ADISSP: variants seen among roughly 807,000 people sequenced by gnomAD.
ADISSP encodes the protein adipose-secreted signaling protein.
chr20:3,760,874 G>A, the ADISSP span, among the ~76,000 whole-genome samples: 4 of 152,186 alleles, frequency 2.6e-5, no homozygotes, highest in Non-Finnish European at 5.9e-5. Flanking sequence ...CCAATGGGCC[G>A]AGCTGGGACC....
At chr20:3,755,713 C>T in the ADISSP span, 8 of 947,492 alleles carry the variant, frequency 8.4e-6, no homozygotes, top group East Asian at 7.7e-5. Flanking sequence ...CCTGCTTCCC[C>T]AGAGAGCCCA....
At chr20:3,757,972 C>T in the ADISSP span, among the ~76,000 whole-genome samples, 5 of 151,452 alleles carry the variant, frequency 3.3e-5, no homozygotes, top group Middle Eastern at 3.4e-3. Context: ...ACCTGAAGGC[C>T]TCAGTCTCCA....
At chr20:3,764,026 C>A in the ADISSP span, among the ~76,000 whole-genome samples, 1 of 152,194 alleles carries the variant, frequency 6.6e-6, no homozygotes. Context: ...AGTGGAGCTA[C>A]ACCCATTCAC....
chr20:3,753,803 A>C, the ADISSP span: 1 of 544,172 alleles, frequency 1.8e-6, no homozygotes, highest in Non-Finnish European at 3.3e-6. Flanking sequence ...TTCCTCAGAC[A>C]GCCTCCTTTC....
chr20:3,756,507 T>C, the ADISSP span, among the ~76,000 whole-genome samples: 5 of 152,194 alleles, frequency 3.3e-5, no homozygotes, highest in Non-Finnish European at 7.3e-5. Flanking sequence ...AGAGTCCTGC[T>C]CACAGTTACT....
At chr20:3,755,762 C>A in the ADISSP span, among the ~76,000 whole-genome samples, 1 of 26,484 alleles carries the variant, frequency 3.8e-5, no homozygotes, top group East Asian at 1.1e-3. Context: ...CTGATCGACC[C>A]CCAGCCCAGT....
At chr20:3,754,632 C>G in the ADISSP span, 4 of 1,124,390 alleles carry the variant, frequency 3.6e-6, 1 homozygote, top group South Asian at 2.7e-5. Context: ...CTAAGCCCCC[C>G]CAAGAAAGGG....
the ADISSP span, among the ~76,000 whole-genome samples, chr20:3,761,035 G>A: frequency 0.014 from 2,146 of 152,300 alleles, 51 homozygotes; most frequent in African/African-American, 0.047. Context: ...CACCACTGAC[G>A]GTAGCAGTGC....
At chr20:3,765,123 G>C in the ADISSP span, among the ~76,000 whole-genome samples, 2 of 152,234 alleles carry the variant, frequency 1.3e-5, no homozygotes, top group African/African-American at 4.8e-5. Flanking sequence ...GAACCCAAAG[G>C]AAACTGGGAA....
the ADISSP span, chr20:3,758,637 G>A: frequency 3.7e-6 from 6 of 1,614,022 alleles, no homozygotes; most frequent in Non-Finnish European, 5.1e-6. This position sits in a 1 kb window ranked among gnomAD's most constrained non-coding sequence, Gnocchi z 5.5. Context: ...TCTGCATCGT[G>A]GCCTGCCGCA....
At chr20:3,753,852 A>C in the ADISSP span, 1 of 598,318 alleles carries the variant, frequency 1.7e-6, no homozygotes, top group Non-Finnish European at 3.0e-6. Context: ...ACTGAGGCAC[A>C]CAGAGAGGAG....
chr20:3,764,621 C>A, the ADISSP span, among the ~76,000 whole-genome samples: 1 of 152,222 alleles, frequency 6.6e-6, no homozygotes, highest in African/African-American at 2.4e-5. Flanking sequence ...ATTTGATATC[C>A]CTCTTCCTCA....
At chr20:3,758,863 C>T in the ADISSP span, among the ~76,000 whole-genome samples, 1 of 152,316 alleles carries the variant, frequency 6.6e-6, no homozygotes, top group African/African-American at 2.4e-5. The surrounding 1 kb of genome is among the most constrained non-coding windows in gnomAD (Gnocchi z 5.5). Context: ...CCCGACCTGC[C>T]CCTCCCACAA....
At chr20:3,760,316 T>C in the ADISSP span, 1 of 563,128 alleles carries the variant, frequency 1.8e-6, no homozygotes, top group Non-Finnish European at 3.2e-6. Context: ...GTGGTGCCTG[T>C]ACTCTCTAGC....
At chr20:3,753,977 A>C in the ADISSP span, 2 of 1,084,864 alleles carry the variant, frequency 1.8e-6, no homozygotes, top group South Asian at 1.3e-5. Flanking sequence ...GGGGCGAGGA[A>C]GCCACACCAT....
At chr20:3,765,171 G>A in the ADISSP span, among the ~76,000 whole-genome samples, 184 of 152,312 alleles carry the variant, frequency 1.2e-3, 3 homozygotes, top group African/African-American at 4.2e-3. Flanking sequence ...CCTGCTGGTC[G>A]CTGTCCTCGG....
the ADISSP span, chr20:3,753,928 G>A: frequency 3.4e-5 from 23 of 683,842 alleles, no homozygotes; most frequent in African/African-American, 5.3e-5. Context: ...GGTGAGAGGC[G>A]TGGGCAAGGC....
chr20:3,759,953 GCACACACGCACTCACACATGCA>G, the ADISSP span: 1 of 1,425,396 alleles, frequency 7.0e-7, no homozygotes, highest in Non-Finnish European at 9.7e-7. The surrounding 1 kb of genome is among the most constrained non-coding windows in gnomAD (Gnocchi z 4.6). Flanking sequence ...TCGCACACCA[GCACACACGCACTCACACATGCA>G]CACACACACA....
chr20:3,757,026 A>AAAATAAATAAAT, the ADISSP span, among the ~76,000 whole-genome samples: 3,131 of 150,990 alleles, frequency 0.021, 116 homozygotes, highest in African/African-American at 0.071. Context: ...TGTTTTCAGA[A>AAAATAAATAAAT]AAATAAATAA....
Sources: allele counts gnomAD v4.1 joint callset (sites outside exome capture counted in the v4.1 genomes callset), GRCh38; gene constraint gnomAD v4.1.1; non-coding constraint Gnocchi (gnomAD v3.1); transcripts MANE v1.5; gene names NCBI Gene and HGNC (gene_info 2026-07-23, HGNC 2026-07-21).